TRMT11: variants seen among roughly 807,000 people sequenced by gnomAD.
TRMT11 encodes the protein tRNA methyltransferase 11, also known as tRNA (guanine(10)-N(2))-methyltransferase TRMT11.
Under a neutral mutation model 62.8 loss-of-function variants are expected in TRMT11, and 53 were observed. The ratio of observed to expected loss-of-function variants is 0.84; its 90% CI spans 0.68 to 1.06. TRMT11 has a LOEUF of 1.06. TRMT11 is among the 50% of genes least tolerant of loss of function. TRMT11 has a pLI of 0.00. For missense variants in TRMT11, 556 were observed against 553.4 expected (o/e 1.00, Z -0.05); for synonymous variants, 188 against 190.3 (o/e 0.99, Z 0.10).
In TRMT11 at chr6:126,021,233, C is replaced by A; in HGVS notation, c.1213C>A (p.His405Asn). ...CAACTGCGAGCAGAAGCTTTCCAGT[C>A]ACACATCAAGGCGCTTGATCACAAT... ...VSNCEQKLSSHTSRRLITMEK... is the reference protein window; with the variant it reads ...VSNCEQKLSSNTSRRLITMEK... The change falls in exon 12 of 13, where the codon CAC (histidine) becomes AAC (asparagine). Residue 405 changes from histidine to asparagine, a missense_variant. By Grantham distance (68) the His-to-Asn change is moderately conservative. Transcript: ENST00000334379. The A allele has an allele frequency of 6.2e-7, 1 of 1,614,130 alleles. No individual in the cohort carries two copies. The highest frequency in any genetic ancestry group is 1.1e-5 in the South Asian group (1 of 91,034).
chr6:126,077,959 A>G (rs1011353591), intron 17 of TRMT11, among the ~76,000 whole-genome samples: 2 of 152,140 alleles, frequency 1.3e-5, no homozygotes, highest in Non-Finnish European at 2.9e-5. Flanking sequence ...CCCCTGCTGA[A>G]CAAGACACAT....
the TRMT11 span, among the ~76,000 whole-genome samples, chr6:126,240,011 G>C: frequency 6.6e-6 from 1 of 152,052 alleles, no homozygotes; most frequent in Non-Finnish European, 1.5e-5. Context: ...AGCTACTGAG[G>C]CTTGTGCATT....
chr6:126,038,808 C>G lies in TRMT11; in HGVS notation c.1364C>G (p.Ala455Gly). ...KYFSGVTKRIAKEEKSTQE is the reference protein window; with the variant it reads ...KYFSGVTKRIGKEEKSTQE ...TTTAGTGGGGTAACAAAAAGAATTG[C>G]CAAGGAAGAAAAATCCACCCAGGAA... Residue 455 changes from alanine (A) to glycine (G), a missense_variant, in exon 13 of 13, where the codon GCC becomes GGC. Transcript: ENST00000334379. 2 of 1,596,024 alleles carry G rather than the reference C, an allele frequency of 1.3e-6. No individual in the cohort carries two copies. The highest frequency in any genetic ancestry group is 1.7e-6 in the Non-Finnish European group (2 of 1,172,598).
intron 21 of TRMT11, among the ~76,000 whole-genome samples, chr6:126,151,889 T>G (rs575752875): frequency 1.3e-5 from 1 of 77,334 alleles, no homozygotes; most frequent in Admixed American, 1.2e-4. Flanking sequence ...TCCTTCCTTG[T>G]CTTTTTCTTT....
intron 17 of TRMT11, among the ~76,000 whole-genome samples, chr6:126,077,739 A>C (rs1777061532): frequency 2.0e-5 from 3 of 152,214 alleles, no homozygotes; most frequent in African/African-American, 7.2e-5. Context: ...CAGCATATCA[A>C]GTCTCTACCT....
intron 17 of TRMT11, among the ~76,000 whole-genome samples, chr6:126,055,894 A>C (rs922750922): frequency 6.6e-6 from 1 of 152,116 alleles, no homozygotes; most frequent in African/African-American, 2.4e-5. Flanking sequence ...GCGTATACCC[A>C]ATGAAAAGTT....
At chr6:126,119,832 C>G (rs1013316352) in intron 21 of TRMT11, among the ~76,000 whole-genome samples, 10 of 152,070 alleles carry the variant, frequency 6.6e-5, no homozygotes, top group African/African-American at 2.4e-4. Flanking sequence ...TTGCAGGACT[C>G]TATCCTAAGA....
chr6:126,043,874 A>G (rs1469580201), downstream of TRMT11, among the ~76,000 whole-genome samples: 3 of 152,128 alleles, frequency 2.0e-5, no homozygotes, highest in Non-Finnish European at 4.4e-5. Flanking sequence ...GTCTGTTCAT[A>G]TCCTTTGCCC....
intron 17 of TRMT11, among the ~76,000 whole-genome samples, chr6:126,057,778 T>G (rs1478476384): frequency 6.6e-6 from 1 of 152,146 alleles, no homozygotes; most frequent in Non-Finnish European, 1.5e-5. Context: ...GGTTTTAGCA[T>G]TTTGACAGCA....
upstream of TRMT11, among the ~76,000 whole-genome samples, chr6:126,175,342 T>C (rs1778373605): frequency 6.6e-6 from 1 of 152,214 alleles, no homozygotes; most frequent in African/African-American, 2.4e-5. Flanking sequence ...GTAAGTTTTG[T>C]GTGCATTTGT....
At chr6:126,080,122 G>T (rs974648411) in intron 17 of TRMT11, among the ~76,000 whole-genome samples, 1 of 150,920 alleles carries the variant, frequency 6.6e-6, no homozygotes, top group South Asian at 2.1e-4. Context: ...TTTTTTTAGA[G>T]ACAGGGTCTC....
At chr6:126,254,797 C>T in the TRMT11 span, among the ~76,000 whole-genome samples, 2 of 152,036 alleles carry the variant, frequency 1.3e-5, no homozygotes, top group Admixed American at 6.6e-5. Flanking sequence ...CTACCTAAAC[C>T]AATAAATCTG....
At chr6:126,075,733 A>T (rs1245281199) in intron 17 of TRMT11, among the ~76,000 whole-genome samples, 1 of 152,166 alleles carries the variant, frequency 6.6e-6, no homozygotes, top group Non-Finnish European at 1.5e-5. Flanking sequence ...AATTACCTCT[A>T]GCTGCTGCAA....
the TRMT11 span, among the ~76,000 whole-genome samples, chr6:126,269,263 CAAAAAAAAAAA>C: frequency 0.38 from 26,755 of 69,594 alleles, 3,138 homozygotes; most frequent in East Asian, 0.62. Context: ...GACTCCGTCT[CAAAAAAAAAAA>C]AAAAAAAAAA....
intron 1 of TRMT11, among the ~76,000 whole-genome samples, chr6:126,180,633 A>T (rs1778447474): frequency 6.6e-6 from 1 of 152,222 alleles, no homozygotes; most frequent in Non-Finnish European, 1.5e-5. Flanking sequence ...AGAATGATTC[A>T]TATACTTTTA....
chr6:126,126,070 A>C (rs1354802406), intron 21 of TRMT11, among the ~76,000 whole-genome samples: 1 of 151,948 alleles, frequency 6.6e-6, no homozygotes, highest in Non-Finnish European at 1.5e-5. Context: ...GGACACCACC[A>C]CTTCCCATTA....
chr6:126,023,383 C>T (rs1341061627), intron 12 of TRMT11, among the ~76,000 whole-genome samples: 2 of 152,178 alleles, frequency 1.3e-5, no homozygotes, highest in East Asian at 3.9e-4. Context: ...GGCGCGGTGG[C>T]TCACGCCTGT....
the TRMT11 span, among the ~76,000 whole-genome samples, chr6:126,262,194 G>A: frequency 3.9e-4 from 59 of 152,310 alleles, no homozygotes; most frequent in African/African-American, 1.3e-3. Flanking sequence ...GTAGTGGAGC[G>A]GAGGGCTTGC....
intron 17 of TRMT11, among the ~76,000 whole-genome samples, chr6:126,090,632 T>G (rs1484619775): frequency 1.3e-5 from 2 of 152,126 alleles, no homozygotes; most frequent in Non-Finnish European, 2.9e-5. Flanking sequence ...TTCTCTCTCT[T>G]GAAAATTTGA....
Sources: gnomAD v4.1 joint callset for allele counts (sites outside exome capture counted in the v4.1 genomes callset) on GRCh38, gnomAD v4.1.1 for gene constraint, MANE v1.5 for transcripts, NCBI Gene and HGNC (gene_info 2026-07-23, HGNC 2026-07-21) for gene names.